ACO1: variants seen among roughly 807,000 people sequenced by gnomAD.
ACO1 encodes aconitase 1, also known as cytoplasmic aconitate hydratase.
ACO1 carries 78 observed loss-of-function variants against 105.1 expected under a neutral mutation model. That is an observed-to-expected ratio of 0.74 (90% confidence interval 0.62 to 0.90). ACO1 has a LOEUF of 0.90. ACO1 is among the 40% of genes least tolerant of loss of function. The pLI is 0.00. For synonymous variants in ACO1, 364 were observed against 397.4 expected (o/e 0.92, Z 1.00); for missense variants, 965 against 1,111.1 (o/e 0.87, Z 1.87).
intron 1 of ACO1, among the ~76,000 whole-genome samples, chr9:32,402,989 T>C (rs561582274): frequency 6.6e-6 from 1 of 152,274 alleles, no homozygotes; most frequent in South Asian, 2.1e-4. Context: ...GACCTGGTCT[T>C]GGGGCCCCCT....
chr9:32,396,763 G>A (rs1587512889), intron 1 of ACO1, among the ~76,000 whole-genome samples: 1 of 152,056 alleles, frequency 6.6e-6, no homozygotes, highest in Non-Finnish European at 1.5e-5. Flanking sequence ...ATGAGGGCAG[G>A]GACTCTGTCT....
intron 11 of ACO1, among the ~76,000 whole-genome samples, chr9:32,426,707 T>C (rs1822108341): frequency 1.3e-5 from 2 of 152,132 alleles, no homozygotes; most frequent in African/African-American, 4.8e-5. Context: ...TCTGTGGCTT[T>C]TTGTCCCCTC....
rs1055102501 is a variant in ACO1, at chr9:32,434,603, G to C, written c.2001G>C (p.Val667=). The C allele has an allele frequency of 6.2e-7, 1 of 1,614,106 alleles. No individual in the cohort carries two copies. Among genetic ancestry groups the C allele is most frequent in the Non-Finnish European group, 8.5e-7 (1 of 1,179,984 alleles). ...QPPKSIVDAY[V]LLNLGDSVTT... ...CTAAATCTATAGTGGATGCCTATGT[G>C]CTGCTAAATTTGGGAGATTCGGTAA... Residue 667 remains valine (V), a synonymous_variant, in exon 17 of 21, where the codon GTG becomes GTC. Coordinates refer to ENST00000309951, the MANE Select transcript of ACO1 (RefSeq NM_002197.3).
At chr9:32,445,131 T>A (rs1822570459) in intron 19 of ACO1, among the ~76,000 whole-genome samples, 1 of 152,208 alleles carries the variant, frequency 6.6e-6, no homozygotes, top group Admixed American at 6.5e-5. Flanking sequence ...CCTCATAAAA[T>A]GAGTTCGGGA....
intron 6 of ACO1, among the ~76,000 whole-genome samples, chr9:32,418,776 C>A (rs1016628108): frequency 2.0e-5 from 3 of 152,138 alleles, no homozygotes; most frequent in Admixed American, 6.6e-5. Context: ...AAAATAGAGA[C>A]TCCCAAAGCT....
chr9:32,420,790 T>A, intron 7 of ACO1, 66 bp from the exon 8 acceptor site: 1 of 1,533,814 alleles, frequency 6.5e-7, no homozygotes, highest in Non-Finnish European at 8.9e-7. Flanking sequence ...AAGTGCAAGA[T>A]GGTAGTTCTG....
At chr9:32,386,268 C>G (rs931499209) in intron 1 of ACO1, 5 of 152,160 alleles carry the variant, frequency 3.3e-5, no homozygotes, top group Admixed American at 3.3e-4. Context: ...TTTTGCCTTC[C>G]CTTGCACGTG....
chr9:32,424,945 A>T (rs1822056248), intron 10 of ACO1, among the ~76,000 whole-genome samples: 1 of 152,120 alleles, frequency 6.6e-6, no homozygotes, highest in Admixed American at 6.5e-5. Flanking sequence ...TAGCTGTTGC[A>T]CCTTTGTGCA....
At chr9:32,438,722 C>T (rs1481932491) in intron 18 of ACO1, among the ~76,000 whole-genome samples, 1 of 152,166 alleles carries the variant, frequency 6.6e-6, no homozygotes, top group African/African-American at 2.4e-5. Flanking sequence ...AAGGAAATCA[C>T]AGCACATTAC....
At chr9:32,408,761 T>C (rs1370472349) in intron 4 of ACO1, 110 bp downstream of exon 4, 2 of 1,320,174 alleles carry the variant, frequency 1.5e-6, no homozygotes, top group African/African-American at 1.5e-5. Flanking sequence ...TTCAAAGATA[T>C]CTTCTGAAAA....
chr9:32,400,641 T>C (rs1311431854), intron 1 of ACO1, among the ~76,000 whole-genome samples: 1 of 152,364 alleles, frequency 6.6e-6, no homozygotes, highest in East Asian at 1.9e-4. Flanking sequence ...CCATTCTATC[T>C]TTCTTTCAAA....
intron 1 of ACO1, among the ~76,000 whole-genome samples, chr9:32,389,310 A>T (rs1361640680): frequency 6.6e-6 from 1 of 152,242 alleles, no homozygotes. Flanking sequence ...CTTGCTTTTT[A>T]GATTTTCTTC....
chr9:32,437,323 A>G (rs1822382981), intron 18 of ACO1, among the ~76,000 whole-genome samples: 2 of 152,220 alleles, frequency 1.3e-5, no homozygotes, highest in South Asian at 4.1e-4. Context: ...ATTAAAACCC[A>G]GAAAGTCTGG....
rs761441893 is a variant in ACO1, at chr9:32,440,473, G to A, written c.2256G>A (p.Val752=). The A allele has an allele frequency of 6.2e-7, 1 of 1,613,742 alleles. No individual in the cohort carries two copies. The highest frequency in any genetic ancestry group is 8.5e-7 in the Non-Finnish European group (1 of 1,179,872). The stretch of plus-strand genomic sequence containing the variant: ...CCTTTTCTCTTCCTCAGCTTGATGT[G>A]TTTGATGCTGCTGAGCGGTACCAGC... ...IHLPSGEILD[V]FDAAERYQQA... is the part of the protein sequence containing the mutation. Residue 752 remains valine, a synonymous_variant, in exon 19 of 21, where the codon GTG becomes GTA. Transcript: ENST00000309951.
rs761633478 is a variant in ACO1 at position 32,423,403 on chromosome 9, A to G, written c.1055A>G (p.Asp352Gly). The change falls in exon 9 of 21, where the codon GAC (aspartate) becomes GGC (glycine). Residue 352 changes from aspartate (D) to glycine (G), a missense_variant. Coordinates refer to ENST00000309951, the MANE Select transcript of ACO1 (RefSeq NM_002197.3). Reference protein sequence around the residue: ...MFRDFNDPSQDPDFTQVVELD... With the variant: ...MFRDFNDPSQGPDFTQVVELD... ...CGAGATTTCAATGACCCTTCTCAAG[A>G]CCCAGACTTCACCCAGGTATGAGAG... 6.2e-6 allele frequency: 10 copies of G among 1,600,120 alleles called. No individual in the cohort carries two copies. In the Admixed American group the frequency reaches 1.6e-4, roughly 25 times the overall value.
At chr9:32,398,636 C>G (rs1272082641) in intron 1 of ACO1, among the ~76,000 whole-genome samples, 1 of 151,512 alleles carries the variant, frequency 6.6e-6, no homozygotes, top group Non-Finnish European at 1.5e-5. Flanking sequence ...CTCTGTTACC[C>G]AGACTGGAAT....
chr9:32,396,967 A>G (rs2118359328), intron 1 of ACO1, among the ~76,000 whole-genome samples: 1 of 152,294 alleles, frequency 6.6e-6, no homozygotes, highest in Middle Eastern at 3.4e-3. Context: ...AAATAAAACC[A>G]TCATTTAAGC....
In ACO1 at chr9:32,391,514, T is replaced by A. The variant is rs1821266824; in HGVS notation, c.-23+6779T>A. Among the ~76,000 whole-genome samples, 3 of 152,248 alleles carry A rather than the reference T, an allele frequency of 2.0e-5. No individual in the cohort carries two copies. The South Asian group carries it at 6.2e-4, about 31-fold the overall frequency. On this transcript the variant is annotated intron_variant, in intron 1 of 20. Coordinates refer to ENST00000309951, the MANE Select transcript of ACO1 (RefSeq NM_002197.3). ...CAAAAATTAATCCACCTTAGATGAATTAGTAAGGCTGTTTGTACATGAGTG... is the reference window on the plus strand; with the variant it reads ...CAAAAATTAATCCACCTTAGATGAAATAGTAAGGCTGTTTGTACATGAGTG...
At chr9:32,436,472 T>C in intron 18 of ACO1, 75 bp downstream of exon 18, 1 of 1,570,508 alleles carries the variant, frequency 6.4e-7, no homozygotes, top group Non-Finnish European at 8.7e-7. Context: ...TTACAGTTAC[T>C]CGCCTTTTGG....
Sources: allele counts gnomAD v4.1 joint callset (sites outside exome capture counted in the v4.1 genomes callset), GRCh38; gene constraint gnomAD v4.1.1; transcripts MANE v1.5; gene names NCBI Gene and HGNC (gene_info 2026-07-23, HGNC 2026-07-21).